The following CEP72 variants were observed in gnomAD, a reference collection of about 807,000 sequenced individuals.
CEP72 encodes centrosomal protein 72.
A neutral mutation model predicts 65.7 loss-of-function variants in CEP72; 78 were observed. The observed-to-expected ratio is 1.19, with a 90% confidence interval of 0.99 to 1.43. The LOEUF (loss-of-function observed/expected upper bound fraction) is 1.43, where lower values mean the gene tolerates loss of function less well. Among genes scored for constraint, CEP72 ranks in the 40% most tolerant of loss-of-function variants. CEP72 has a pLI of 0.00. For synonymous variants in CEP72, 358 were observed against 351.7 expected (o/e 1.02, Z -0.20); for missense variants, 914 against 832.9 (o/e 1.10, Z -1.20).
chr5:664,782 G>A, intron 2 of CEP72: 1 of 295,912 alleles, frequency 3.4e-6, no homozygotes, highest in Non-Finnish European at 6.4e-6. Flanking sequence ...ACAGCCAGCT[G>A]CTTTAAAACG....
chr5:672,270 G>C, the CEP72 span, among the ~76,000 whole-genome samples: 1 of 152,138 alleles, frequency 6.6e-6, no homozygotes, highest in Non-Finnish European at 1.5e-5. Context: ...ACCCCAGGGA[G>C]CCTGGCCCTG....
chr5:635,376 C>G lies in CEP72; in HGVS notation c.696C>G (p.Ser232=). ...TTATTTACAATATTTTAATAGAATC[C>G]AGACATCTGTTGAGCCCGCAGTTGG... ...READSRGSQE[S]RHLLSPQLVQ... is the part of the protein sequence containing the mutation. Residue 232 remains serine, a synonymous_variant, in exon 6 of 12, where the codon TCC becomes TCG. Transcript: ENST00000264935. 2.5e-6 allele frequency: 4 copies of G among 1,599,850 alleles called. No homozygotes were observed. The highest frequency in any genetic ancestry group is 3.4e-6 in the Non-Finnish European group (4 of 1,168,940).
At chr5:672,715 G>A in the CEP72 span, among the ~76,000 whole-genome samples, 8 of 152,168 alleles carry the variant, frequency 5.3e-5, no homozygotes, top group African/African-American at 1.9e-4. Context: ...TGGCTCTACC[G>A]GGCCCCACTC....
chr5:671,617 G>A (rs750907484), downstream of CEP72, among the ~76,000 whole-genome samples: 3 of 152,204 alleles, frequency 2.0e-5, no homozygotes, highest in Admixed American at 6.5e-5. Context: ...GGTGCTGCCC[G>A]GCCTGCAGGG....
At chr5:617,674 G>A (rs1561024056) in intron 1 of CEP72, among the ~76,000 whole-genome samples, 2 of 152,206 alleles carry the variant, frequency 1.3e-5, no homozygotes, top group East Asian at 1.9e-4. Context: ...CACCTGAGAC[G>A]ATGCCTGAGG....
intron 9 of CEP72, chr5:643,393 TGAA>T (rs1296771831): frequency 2.0e-6 from 2 of 985,242 alleles, no homozygotes; most frequent in Non-Finnish European, 2.4e-6. Context: ...GTCCGCGAAA[TGAA>T]GAACGGGCCA....
At chr5:648,474 CTG>C (rs1162703910) in intron 11 of CEP72, among the ~76,000 whole-genome samples, 5 of 130,356 alleles carry the variant, frequency 3.8e-5, no homozygotes, top group Non-Finnish European at 6.5e-5. Context: ...TGAGGTGTGA[CTG>C]TGAGGTATGA....
intron 4 of CEP72, among the ~76,000 whole-genome samples, chr5:627,231 G>A (rs544735470): frequency 1.1e-4 from 17 of 152,172 alleles, no homozygotes; most frequent in African/African-American, 1.7e-4. Context: ...GGAATTGGTC[G>A]TCTCATCTGA....
At chr5:637,079 CG>C (rs1561046903) in intron 6 of CEP72, among the ~76,000 whole-genome samples, 1 of 152,096 alleles carries the variant, frequency 6.6e-6, no homozygotes, top group Non-Finnish European at 1.5e-5. Flanking sequence ...GCTTAGTGGT[CG>C]GTACAGTGCA....
In CEP72 at chr5:619,117, G is replaced by A. The variant is rs1481839122; in HGVS notation, c.210G>A (p.Glu70=). The part of the protein sequence containing the change: ...DLSRNSLVSL[E]GIQYLTALES... Reference sequence around the variant, plus strand: ...CGCGCAACTCCTTGGTTAGTCTGGAGGTAAGTTTTAGGTCTCTTTCTTAAA... The same window carrying A: ...CGCGCAACTCCTTGGTTAGTCTGGAAGTAAGTTTTAGGTCTCTTTCTTAAA... The change falls in exon 2 of 12, where the codon GAG becomes GAA. Residue 70 remains glutamate (E), a splice_region_variant and synonymous_variant. Transcript: ENST00000264935. 1 of 1,609,852 alleles carries A rather than the reference G, an allele frequency of 6.2e-7. No individual in the cohort carries two copies. The highest frequency in any genetic ancestry group is 1.1e-5 in the South Asian group (1 of 90,674).
chr5:634,277 G>A (rs1308924283), intron 5 of CEP72, among the ~76,000 whole-genome samples: 1 of 152,214 alleles, frequency 6.6e-6, no homozygotes. Flanking sequence ...CAGCTGCAGG[G>A]GGGCATAGTC....
chr5:623,689 C>T lies in CEP72; in HGVS notation c.404-782C>T, dbSNP rs1736547587. Among the ~76,000 whole-genome samples, 1 of 151,850 alleles carries T rather than the reference C, an allele frequency of 6.6e-6. No individual in the cohort carries two copies. Among genetic ancestry groups the T allele is most frequent in the Non-Finnish European group, 1.5e-5 (1 of 67,954 alleles). On this transcript the variant is annotated intron_variant, in intron 3 of 11. Coordinates refer to ENST00000264935, the MANE Select transcript of CEP72 (RefSeq NM_018140.4). This position sits in a 1 kb window ranked among gnomAD's most constrained non-coding sequence, Gnocchi z 5.3. The stretch of plus-strand genomic sequence containing the variant: ...GTGGGATTGGGTGCAGGTCTCCTGG[C>T]GCACGTGTCTCCTGAGGGTGCCCTG...
At chr5:620,025 CT>C in intron 2 of CEP72, 43 bp from the exon 3 acceptor site, 4 of 1,528,884 alleles carry the variant, frequency 2.6e-6, no homozygotes, top group Non-Finnish European at 3.6e-6. Flanking sequence ...CTGTGTATTT[CT>C]TGTTTAAAGT....
chr5:644,115 A>T, intron 9 of CEP72, 184 bp from the exon 10 acceptor site: 1 of 616,416 alleles, frequency 1.6e-6, no homozygotes, highest in South Asian at 1.9e-5. Context: ...AGGGTGCTGC[A>T]GGGCTGGGCA....
chr5:639,065 C>T (rs767269463), intron 7 of CEP72, 24 bp from the exon 8 acceptor site: 1 of 1,612,912 alleles, frequency 6.2e-7, no homozygotes, highest in Non-Finnish European at 8.5e-7. Context: ...ACTCGCTGGC[C>T]TCATGCTGTT....
downstream of CEP72, among the ~76,000 whole-genome samples, chr5:670,560 G>C (rs571326911): frequency 6.6e-6 from 1 of 152,074 alleles, no homozygotes; most frequent in African/African-American, 2.4e-5. Context: ...TGGGCCCCAC[G>C]GGGGGAGGGG....
At chr5:632,112 A>C (rs377387672) in intron 4 of CEP72, among the ~76,000 whole-genome samples, 17 of 38,474 alleles carry the variant, frequency 4.4e-4, no homozygotes, top group Non-Finnish European at 6.0e-4. Flanking sequence ...CGGGATTTAG[A>C]CCAGTCCTGG....
chr5:640,502 G>A lies in CEP72; in HGVS notation c.1437G>A (p.Leu479=). 2 of 1,614,126 alleles carry A rather than the reference G, an allele frequency of 1.2e-6. No homozygotes were observed. The highest frequency in any genetic ancestry group is 1.3e-5 in the African/African-American group (1 of 75,024). Reference sequence around the variant, plus strand: ...GTGAAGATGTCGGCTCCCTGGCTCTGGAGAGTAAGTCCCTGCAAAGCCGCC... The same window carrying A: ...GTGAAGATGTCGGCTCCCTGGCTCTAGAGAGTAAGTCCCTGCAAAGCCGCC... ...MVGEDVGSLA[L]ESKSLQSRLA... The change falls in exon 9 of 12, where the codon CTG becomes CTA. Residue 479 remains leucine (L), a synonymous_variant. Coordinates refer to ENST00000264935, the MANE Select transcript of CEP72 (RefSeq NM_018140.4).
intron 9 of CEP72, chr5:643,554 G>A (rs1000456376): frequency 5.7e-5 from 56 of 985,388 alleles, no homozygotes; most frequent in South Asian, 5.2e-4. Context: ...CCCCCAGCAC[G>A]AGGCTTCTGC....
Sources: gnomAD v4.1 joint callset for allele counts (sites outside exome capture counted in the v4.1 genomes callset) on GRCh38, gnomAD v4.1.1 for gene constraint, Gnocchi (gnomAD v3.1) non-coding constraint, MANE v1.5 for transcripts, NCBI Gene and HGNC (gene_info 2026-07-23, HGNC 2026-07-21) for gene names.